RHPN2: variants seen among roughly 807,000 people sequenced by gnomAD.
RHPN2 encodes the protein rhophilin-2.
Under a neutral mutation model 79.0 loss-of-function variants are expected in RHPN2, and 40 were observed. That is an observed-to-expected ratio of 0.51 (90% CI 0.39 to 0.66). The LOEUF (loss-of-function observed/expected upper bound fraction) is 0.66, where lower values mean the gene tolerates loss of function less well. Among genes scored for constraint, RHPN2 ranks in the 30% least tolerant of loss-of-function variants. The probability of loss-of-function intolerance (pLI) is 0.00; values close to 1 mark genes in which losing one functional copy is unlikely to be tolerated. For missense variants in RHPN2, 686 were observed against 883.5 expected, an observed-to-expected ratio of 0.78 and a Z score of 2.83; for synonymous variants, 285 against 363.5, an observed-to-expected ratio of 0.78 and a Z score of 2.46.
chr19:33,021,067 T>C (rs929752483), intron 4 of RHPN2, among the ~76,000 whole-genome samples: 33 of 152,160 alleles, frequency 2.2e-4, no homozygotes, highest in African/African-American at 8.0e-4. Context: ...AAAAATACAC[T>C]ATTAATAAAA....
At chr19:33,017,723 AAAGAG>A (rs1971889598) in intron 4 of RHPN2, among the ~76,000 whole-genome samples, 3 of 140,974 alleles carry the variant, frequency 2.1e-5, no homozygotes, top group Non-Finnish European at 1.6e-5. Flanking sequence ...AAAAAAAAAA[AAAGAG>A]AGAGAGAGAT....
chr19:33,012,814 TA>T, intron 4 of RHPN2, 90 bp from the exon 5 acceptor site: 1 of 752,424 alleles, frequency 1.3e-6, no homozygotes, highest in Non-Finnish European at 2.4e-6. Flanking sequence ...AACCCATTTT[TA>T]AAAAGGCAGA....
chr19:33,020,672 G>A (rs1399036574), intron 4 of RHPN2, among the ~76,000 whole-genome samples: 1 of 151,980 alleles, frequency 6.6e-6, no homozygotes, highest in Non-Finnish European at 1.5e-5. Context: ...GCTAATTTCT[G>A]TACATTTAGT....
At chr19:33,026,428 C>T in intron 3 of RHPN2, 76 bp downstream of exon 3, 1 of 1,576,294 alleles carries the variant, frequency 6.3e-7, no homozygotes, top group Non-Finnish European at 8.6e-7. Context: ...GCTATCTGAC[C>T]TCTTTGTGCA....
intron 14 of RHPN2, among the ~76,000 whole-genome samples, chr19:32,988,857 AT>A (rs766383829): frequency 2.6e-5 from 4 of 152,048 alleles, no homozygotes; most frequent in Non-Finnish European, 5.9e-5. Flanking sequence ...TACAGCACTT[AT>A]CAAAATCCTG....
intron 1 of RHPN2, among the ~76,000 whole-genome samples, chr19:33,047,132 C>CT (rs1972148760): frequency 6.6e-6 from 1 of 152,220 alleles, no homozygotes; most frequent in Non-Finnish European, 1.5e-5. Context: ...AAGTGCTAGT[C>CT]TTACAGGTGT....
intron 4 of RHPN2, among the ~76,000 whole-genome samples, chr19:33,019,508 G>A (rs1262299816): frequency 1.3e-5 from 2 of 152,112 alleles, no homozygotes; most frequent in Non-Finnish European, 2.9e-5. Flanking sequence ...GAACCTGGGA[G>A]GTGAAGGTTG....
At chr19:33,013,101 T>A (rs1971848535) in intron 4 of RHPN2, among the ~76,000 whole-genome samples, 2 of 151,192 alleles carry the variant, frequency 1.3e-5, no homozygotes, top group South Asian at 4.2e-4. Context: ...GTCTCAAACT[T>A]CTGACCTCAG....
intron 4 of RHPN2, among the ~76,000 whole-genome samples, chr19:33,020,198 T>A (rs1971911928): frequency 2.0e-5 from 3 of 152,148 alleles, no homozygotes; most frequent in Admixed American, 1.3e-4. Flanking sequence ...TACCCAGGAA[T>A]GTGGCTGGGG....
chr19:33,004,902 TA>T lies in RHPN2; in HGVS notation c.761-1903del, dbSNP rs989883431. Among the ~76,000 whole-genome samples, 113 of 151,748 alleles carry T rather than the reference TA, an allele frequency of 7.4e-4. 2 individuals are homozygous for T. Among genetic ancestry groups the T allele is most frequent in the Admixed American group, 7.2e-4 (11 of 15,174 alleles). On this transcript the variant is annotated intron_variant, in intron 7 of 14. Transcript: ENST00000254260. ...CCACCCAGCCTTTTAACCCAATTTT[TA>T]AAAATTGGATTACCTTCCAAAACAC... is the stretch of plus-strand genomic sequence containing the variant.
intron 1 of RHPN2, among the ~76,000 whole-genome samples, chr19:33,063,799 G>GCACCTGC (rs1398595081): frequency 5.5e-5 from 7 of 126,622 alleles, no homozygotes; most frequent in African/African-American, 2.6e-4. Context: ...TGCGAGGCCG[G>GCACCTGC]CACCCGCCAC....
rs562231790 is a variant in RHPN2 at position 33,058,657 on chromosome 19, G to A, written c.69+6127C>T. Among the ~76,000 whole-genome samples the A allele has an allele frequency of 2.8e-4, 43 of 152,234 alleles. 1 individual carries two copies. In the East Asian group the frequency reaches 8.1e-3, roughly 29 times the overall value. On this transcript the variant is annotated intron_variant, in intron 1 of 14. Coordinates refer to ENST00000254260, the MANE Select transcript of RHPN2 (RefSeq NM_033103.5). The stretch of plus-strand genomic sequence containing the variant: ...TAGCTGGGCGTGGTGGCACGCGCCT[G>A]TAGTCCCAGCTACTCAGGAAGCTGA...
At chr19:33,003,446 A>G (rs149696246) in intron 7 of RHPN2, among the ~76,000 whole-genome samples, 19 of 151,964 alleles carry the variant, frequency 1.3e-4, no homozygotes, top group African/African-American at 4.3e-4. Flanking sequence ...TTTGATTCTC[A>G]ATTATATGGT....
At chr19:32,999,863 G>T (rs776292720) in intron 9 of RHPN2, among the ~76,000 whole-genome samples, 158 bp from the exon 10 acceptor site, 71 of 152,056 alleles carry the variant, frequency 4.7e-4, no homozygotes, top group Non-Finnish European at 7.4e-4. Flanking sequence ...ACCCCAGGCC[G>T]TCTAACCCTC....
At chr19:33,020,992 G>A (rs1214280367) in intron 4 of RHPN2, among the ~76,000 whole-genome samples, 1 of 152,118 alleles carries the variant, frequency 6.6e-6, no homozygotes, top group Non-Finnish European at 1.5e-5. Flanking sequence ...ATAATAAAAT[G>A]TTAGAGAAAA....
At chr19:33,043,908 C>T (rs1972121120) in intron 2 of RHPN2, among the ~76,000 whole-genome samples, 1 of 152,086 alleles carries the variant, frequency 6.6e-6, no homozygotes, top group African/African-American at 2.4e-5. Context: ...AATTCTGCAC[C>T]AGGCATAGTG....
chr19:33,011,777 C>T lies in RHPN2; in HGVS notation c.495G>A (p.Glu165=), dbSNP rs1971837443. Residue 165 remains glutamate, a synonymous_variant, in exon 6 of 15, where the codon GAG becomes GAA. Coordinates refer to ENST00000254260, the MANE Select transcript of RHPN2 (RefSeq NM_033103.5). ...RQACRTPSRD[E]AGVELLMTYF... ...ATGTCATCAGCAGTTCCACCCCGGC[C>T]TCATCCCGGCTAGGCGTCCGACAAG... 3.7e-6 allele frequency: 6 copies of T among 1,613,990 alleles called. No individual in the cohort carries two copies. The South Asian group carries it at 5.5e-5, about 15-fold the overall frequency.
chr19:33,049,702 C>A (rs1242169035), intron 1 of RHPN2, among the ~76,000 whole-genome samples: 3 of 152,162 alleles, frequency 2.0e-5, no homozygotes. Context: ...CGTGTCATCA[C>A]CAGCTTTACA....
chr19:33,029,166 A>G (rs982501185), intron 2 of RHPN2, among the ~76,000 whole-genome samples: 65 of 152,018 alleles, frequency 4.3e-4, no homozygotes, highest in African/African-American at 1.5e-3. Flanking sequence ...AAATAAACTT[A>G]CTAAGAAGCC....
Sources: allele counts gnomAD v4.1 joint callset (sites outside exome capture counted in the v4.1 genomes callset), GRCh38; gene constraint gnomAD v4.1.1; transcripts MANE v1.5; gene names NCBI Gene and HGNC (gene_info 2026-07-23, HGNC 2026-07-21).